Variants in EVC2 observed in about 807,000 individuals in gnomAD.
EVC2 encodes the protein limbin.
In EVC2, 148 loss-of-function variants were observed where a neutral mutation model predicts 149.3. That is an observed-to-expected ratio of 0.99 (90% CI 0.87 to 1.14). EVC2 has a LOEUF of 1.14. EVC2 is among the 50% of genes most tolerant of loss of function. The pLI is 0.00. For missense variants in EVC2, 1,854 were observed against 1,627.3 expected (o/e 1.14, Z -2.40); for synonymous variants, 776 against 649.9 (o/e 1.19, Z -2.95).
At chr4:5,676,986 C>CAA (rs1720037495) in intron 7 of EVC2, among the ~76,000 whole-genome samples, 1 of 152,138 alleles carries the variant, frequency 6.6e-6, no homozygotes. Flanking sequence ...ACCTGTGTAG[C>CAA]CCCCGTGGGC....
chr4:5,628,478 T>C, intron 12 of EVC2, 81 bp downstream of exon 12: 2 of 1,549,044 alleles, frequency 1.3e-6, no homozygotes, highest in South Asian at 1.1e-5. Flanking sequence ...ATTTATAAAT[T>C]ACCCAGTCTG....
rs2151731613 is a variant in EVC2 at position 5,689,179 on chromosome 4, A to C, written c.684T>G (p.Ala228=). 3 of 1,614,216 alleles carry C rather than the reference A, an allele frequency of 1.9e-6. No homozygotes were observed. Among genetic ancestry groups the C allele is most frequent in the Non-Finnish European group, 2.5e-6 (3 of 1,180,040 alleles). Reference sequence around the variant, plus strand: ...TACCTTGCAGAAACTTCTTGCTAAAAGCCTGGAATCCTTCCGAGGTCCTGT... The same window carrying C: ...TACCTTGCAGAAACTTCTTGCTAAACGCCTGGAATCCTTCCGAGGTCCTGT... ...VGNRTSEGFQ[A]FSKKFLQVGD... The change falls in exon 5 of 22, where the codon GCT becomes GCG. Residue 228 remains alanine (A), a synonymous_variant. Coordinates refer to ENST00000344408, the MANE Select transcript of EVC2 (RefSeq NM_147127.5).
At chr4:5,630,218 T>C (rs941065502) in intron 11 of EVC2, among the ~76,000 whole-genome samples, 2 of 152,198 alleles carry the variant, frequency 1.3e-5, no homozygotes, top group African/African-American at 4.8e-5. Context: ...CTTGTGACGA[T>C]TACTCGGTCT....
chr4:5,645,698 T>A (rs902900409), intron 9 of EVC2, among the ~76,000 whole-genome samples: 1 of 152,232 alleles, frequency 6.6e-6, no homozygotes, highest in South Asian at 2.1e-4. Context: ...ATCTTTGCTA[T>A]TGTGAATAGT....
At position 5,646,462 on chromosome 4, in the gene EVC2, G is replaced by C. The variant is rs531214395; in HGVS notation, c.1146-5624C>G. Among the ~76,000 whole-genome samples the C allele has an allele frequency of 3.9e-5, 6 of 152,114 alleles. No homozygotes were observed. The South Asian group carries it at 1.2e-3, about 32-fold the overall frequency. ...GAACTAAACAATCAACTGTTACCTA[G>C]ATCCATGATTTCATTAGGGGTTTCA... On this transcript the variant is annotated intron_variant, in intron 9 of 21. Coordinates refer to ENST00000344408, the MANE Select transcript of EVC2 (RefSeq NM_147127.5).
Position 5,618,649 on chromosome 4 carries a change from TTCAGACAGGGAG to T in EVC2, c.2523_2534del (p.Phe841_Glu845delinsLeu), listed in dbSNP as rs1715454199. 3 of 1,609,562 alleles carry T rather than the reference TTCAGACAGGGAG, an allele frequency of 1.9e-6. No individual in the cohort carries two copies. The highest frequency in any genetic ancestry group is 4.5e-5 in the East Asian group (2 of 44,712). ...CCTGCCTCATCCTGAGCAGCTCCTC[TTCAGACAGGGAG>T]AAGACTGAGGAGCAGAGCTTCCTGG... On this transcript the variant is annotated inframe_deletion, in exon 15 of 22. Coordinates refer to ENST00000344408, the MANE Select transcript of EVC2 (RefSeq NM_147127.5). This position sits in a 1 kb window ranked among gnomAD's most constrained non-coding sequence, Gnocchi z 4.4.
downstream of EVC2, among the ~76,000 whole-genome samples, chr4:5,559,248 G>A (rs941143116): frequency 1.3e-5 from 2 of 152,142 alleles, no homozygotes; most frequent in Admixed American, 6.5e-5. The surrounding 1 kb of genome is among the most constrained non-coding windows in gnomAD (Gnocchi z 5.0). Context: ...AAGCCAGAAT[G>A]ATCCATGGGG....
chr4:5,565,441 C>T (rs564027812), intron 20 of EVC2, 82 bp from the exon 21 acceptor site: 33 of 1,306,826 alleles, frequency 2.5e-5, no homozygotes, highest in Middle Eastern at 3.8e-4. Flanking sequence ...AAGGCAGAGG[C>T]GGGCAGATCA....
intron 9 of EVC2, among the ~76,000 whole-genome samples, chr4:5,647,998 G>A (rs1717849047): frequency 6.6e-6 from 1 of 152,192 alleles, no homozygotes; most frequent in Admixed American, 6.5e-5. Flanking sequence ...GGCCAGGAAG[G>A]GAACGTCCCC....
chr4:5,535,631 G>GAGAGACAGAGAC, the EVC2 span, among the ~76,000 whole-genome samples: 2 of 150,688 alleles, frequency 1.3e-5, no homozygotes, highest in East Asian at 4.0e-4. The surrounding 1 kb of genome is among the most constrained non-coding windows in gnomAD (Gnocchi z 4.7). Flanking sequence ...GAGAGAGAGA[G>GAGAGACAGAGAC]AGAAAGAGAT....
intron 9 of EVC2, among the ~76,000 whole-genome samples, chr4:5,653,034 G>C (rs1466804547): frequency 6.6e-6 from 1 of 152,168 alleles, no homozygotes. Flanking sequence ...TGCCAGCTCG[G>C]TGTTGCCAGC....
intron 3 of EVC2, among the ~76,000 whole-genome samples, chr4:5,692,402 T>C (rs967947782): frequency 2.3e-4 from 35 of 152,274 alleles, no homozygotes; most frequent in Middle Eastern, 6.8e-3. Context: ...TGAGTTCTAT[T>C]ACTCCCATTT....
downstream of EVC2, among the ~76,000 whole-genome samples, chr4:5,558,789 C>G (rs1721886993): frequency 6.6e-6 from 1 of 152,162 alleles, no homozygotes; most frequent in Admixed American, 6.5e-5. Flanking sequence ...TTGTTTCCCA[C>G]ATGGGTCCAG....
At chr4:5,537,290 G>A in the EVC2 span, among the ~76,000 whole-genome samples, 1 of 152,152 alleles carries the variant, frequency 6.6e-6, no homozygotes, top group Admixed American at 6.5e-5. Context: ...GAATCTTCAG[G>A]GGGCTATCCT....
the EVC2 span, among the ~76,000 whole-genome samples, chr4:5,537,711 G>T: frequency 2.0e-5 from 3 of 152,150 alleles, no homozygotes; most frequent in Admixed American, 2.0e-4. Flanking sequence ...AGGAAATGTG[G>T]TGCAAAATAA....
intron 21 of EVC2, among the ~76,000 whole-genome samples, chr4:5,555,783 A>G (rs964889577): frequency 6.6e-6 from 1 of 152,208 alleles, no homozygotes; most frequent in African/African-American, 2.4e-5. Flanking sequence ...TAGCACTCTC[A>G]ATCAACTTGA....
intron 7 of EVC2, among the ~76,000 whole-genome samples, chr4:5,680,587 C>T (rs567952122): frequency 1.3e-5 from 2 of 152,224 alleles, no homozygotes; most frequent in South Asian, 4.1e-4. Context: ...TGTTGGGGAC[C>T]CTGACATTCT....
downstream of EVC2, among the ~76,000 whole-genome samples, chr4:5,541,173 A>G (rs1721507744): frequency 6.6e-6 from 1 of 152,232 alleles, no homozygotes; most frequent in African/African-American, 2.4e-5. Context: ...AAGAGAAGCA[A>G]TTTCACGGAT....
rs34681984 is a variant in EVC2, at chr4:5,568,232, AT to A, written c.3557+211del. Among the ~76,000 whole-genome samples, 47,334 of 149,046 alleles carry A rather than the reference AT, an allele frequency of 0.32. 8,564 individuals are homozygous for A. Among genetic ancestry groups the A allele is most frequent in the East Asian group, 0.86 (4,441 of 5,144 alleles). ...CTTTCTCTTCTTCCTCTTTTTATGC[AT>A]TTTTTTTTTTACGTTTTCTTTAATG... On this transcript the variant is annotated intron_variant, in intron 20 of 21. Coordinates refer to ENST00000344408, the MANE Select transcript of EVC2 (RefSeq NM_147127.5).
Sources: allele counts gnomAD v4.1 joint callset (sites outside exome capture counted in the v4.1 genomes callset), GRCh38; gene constraint gnomAD v4.1.1; non-coding constraint Gnocchi (gnomAD v3.1); transcripts MANE v1.5; gene names NCBI Gene and HGNC (gene_info 2026-07-23, HGNC 2026-07-21).